Variants in FBXW7 observed in about 807,000 individuals in gnomAD.
FBXW7 encodes the protein F-box and WD repeat domain containing 7.
In FBXW7, 11 loss-of-function variants were observed where a neutral mutation model predicts 86.3. The observed-to-expected ratio is 0.13, with a 90% CI of 0.08 to 0.21. The LOEUF is 0.21. FBXW7 is among the 10% of genes least tolerant of loss of function. The pLI is 1.00. For missense variants in FBXW7, 488 were observed against 847.4 expected, an observed-to-expected ratio of 0.58 and a Z score of 5.27; for synonymous variants, 313 against 297.9, an observed-to-expected ratio of 1.05 and a Z score of -0.52.
intron 2 of FBXW7, among the ~76,000 whole-genome samples, chr4:152,483,046 T>C (rs1044941237): frequency 6.6e-6 from 1 of 152,154 alleles, no homozygotes; most frequent in Non-Finnish European, 1.5e-5. Context: ...AATACAGATG[T>C]ACCATTTCCC....
intron 2 of FBXW7, among the ~76,000 whole-genome samples, chr4:152,445,940 A>AC (rs1255999000): frequency 1.4e-5 from 2 of 141,498 alleles, no homozygotes; most frequent in African/African-American, 5.4e-5. Context: ...AAAAAAAAAA[A>AC]AACCAAAGTG....
intron 2 of FBXW7, among the ~76,000 whole-genome samples, chr4:152,413,294 T>C (rs1738140016): frequency 6.6e-6 from 1 of 152,050 alleles, no homozygotes; most frequent in African/African-American, 2.4e-5. Context: ...ATTTTATCGG[T>C]AACTGATGTG....
At chr4:152,391,926 G>A (rs1217427558) in intron 4 of FBXW7, among the ~76,000 whole-genome samples, 3 of 151,968 alleles carry the variant, frequency 2.0e-5, no homozygotes, top group Non-Finnish European at 4.4e-5. Context: ...TTAGTTGTTC[G>A]GAGACACTTC....
At chr4:152,487,668 T>C (rs1252884917) in intron 2 of FBXW7, among the ~76,000 whole-genome samples, 1 of 152,114 alleles carries the variant, frequency 6.6e-6, no homozygotes, top group Non-Finnish European at 1.5e-5. Context: ...TTTTAAAAAG[T>C]TCTGAAACAG....
chr4:152,530,864 A>G (rs1483113599), intron 2 of FBXW7: 1 of 152,262 alleles, frequency 6.6e-6, no homozygotes, highest in East Asian at 1.9e-4. Context: ...TAAGAACAGA[A>G]TTGAAAGTTG....
chr4:152,434,748 G>T (rs750855863), intron 2 of FBXW7, among the ~76,000 whole-genome samples: 5 of 152,116 alleles, frequency 3.3e-5, no homozygotes, highest in Non-Finnish European at 5.9e-5. Flanking sequence ...CAAAGATACA[G>T]ACATATGAGA....
intron 4 of FBXW7, among the ~76,000 whole-genome samples, chr4:152,379,227 AAT>A (rs963936316): frequency 7.9e-5 from 12 of 152,100 alleles, no homozygotes; most frequent in South Asian, 4.1e-4. Flanking sequence ...TCAAATAAAA[AAT>A]AGTTATTTTT....
chr4:152,404,037 C>G (rs1000298715), intron 4 of FBXW7, among the ~76,000 whole-genome samples: 36 of 152,106 alleles, frequency 2.4e-4, no homozygotes, highest in African/African-American at 8.5e-4. Context: ...AGAAAATTGC[C>G]AGGGTAACAC....
intron 2 of FBXW7, among the ~76,000 whole-genome samples, chr4:152,531,711 T>C (rs1473592744): frequency 6.6e-6 from 1 of 152,152 alleles, no homozygotes; most frequent in Non-Finnish European, 1.5e-5. Flanking sequence ...CCTCACTTCG[T>C]CATATCAAGA....
intron 10 of FBXW7, chr4:152,328,961 G>C (rs1729308968): frequency 6.6e-6 from 1 of 151,950 alleles, no homozygotes; most frequent in Non-Finnish European, 1.5e-5. Context: ...ATATTTATAA[G>C]ATACTTGCCA....
intron 2 of FBXW7, among the ~76,000 whole-genome samples, chr4:152,502,182 AGT>A (rs1187594763): frequency 6.6e-6 from 1 of 152,200 alleles, no homozygotes; most frequent in African/African-American, 2.4e-5. Context: ...AAATGTGGCT[AGT>A]GTTACCAGGG....
At chr4:152,373,348 C>T (rs1447096088) in intron 4 of FBXW7, among the ~76,000 whole-genome samples, 1 of 151,950 alleles carries the variant, frequency 6.6e-6, no homozygotes, top group African/African-American at 2.4e-5. Context: ...TTCTATTACC[C>T]TATTTTACTG....
intron 4 of FBXW7, among the ~76,000 whole-genome samples, chr4:152,387,207 G>T (rs1735598708): frequency 6.6e-6 from 1 of 152,130 alleles, no homozygotes; most frequent in Non-Finnish European, 1.5e-5. Context: ...TATGTTATTT[G>T]AATTCAGTAT....
intron 4 of FBXW7, among the ~76,000 whole-genome samples, chr4:152,371,792 C>T (rs891747038): frequency 2.6e-5 from 4 of 151,884 alleles, no homozygotes; most frequent in Admixed American, 1.3e-4. Flanking sequence ...TGGCTATTAG[C>T]AGATGCTTAT....
At chr4:152,518,799 A>T (rs1748737986) in intron 2 of FBXW7, among the ~76,000 whole-genome samples, 1 of 152,236 alleles carries the variant, frequency 6.6e-6, no homozygotes, top group East Asian at 1.9e-4. Context: ...AAGGTAACAG[A>T]ATTACAAAAA....
chr4:152,352,814 C>T, intron 4 of FBXW7: 2 of 1,562,300 alleles, frequency 1.3e-6, no homozygotes, highest in South Asian at 1.2e-5. Context: ...TATGCCCTGT[C>T]AAAGCCTTGA....
At chr4:152,455,141 T>A (rs1487306325) in intron 2 of FBXW7, among the ~76,000 whole-genome samples, 1 of 152,198 alleles carries the variant, frequency 6.6e-6, no homozygotes. Context: ...ACTGATTTTT[T>A]AAATATAAAT....
intron 2 of FBXW7, among the ~76,000 whole-genome samples, chr4:152,507,905 A>G (rs915302990): frequency 5.3e-5 from 8 of 151,288 alleles, no homozygotes; most frequent in Admixed American, 6.6e-5. Flanking sequence ...AAAAAAAAAA[A>G]GGCGAAAACT....
At chr4:152,410,913 T>A (rs1737886417) in intron 4 of FBXW7, among the ~76,000 whole-genome samples, 1 of 152,182 alleles carries the variant, frequency 6.6e-6, no homozygotes, top group Non-Finnish European at 1.5e-5. Flanking sequence ...CACTTGTGAA[T>A]AGCCCACTCT....
Sources: allele counts gnomAD v4.1 joint callset (sites outside exome capture counted in the v4.1 genomes callset), GRCh38; gene constraint gnomAD v4.1.1; transcripts MANE v1.5; gene names NCBI Gene and HGNC (gene_info 2026-07-23, HGNC 2026-07-21).